NME9: variants seen among roughly 807,000 people sequenced by gnomAD.
The protein encoded by NME9 is NME/NM23 family member 9.
Under a neutral mutation model 44.4 loss-of-function variants are expected in NME9, and 48 were observed. The observed-to-expected ratio is 1.08, with a 90% CI of 0.86 to 1.37. NME9 has a LOEUF of 1.37. Among genes scored for constraint, NME9 ranks in the 40% most tolerant of loss-of-function variants. NME9 has a pLI of 0.00. For synonymous variants in NME9, 139 were observed against 147.1 expected (o/e 0.94, Z 0.40); for missense variants, 325 against 405.2 (o/e 0.80, Z 1.70).
Position 138,304,949 on chromosome 3 carries a change from C to T in NME9, c.715G>A (p.Glu239Lys), listed in dbSNP as rs754885230. 3.7e-6 allele frequency: 6 copies of T among 1,614,004 alleles called. No homozygotes were observed. The highest frequency in any genetic ancestry group is 2.2e-5 in the East Asian group (1 of 44,894). ...GTTCGCCAGGTAGTGACCACGTCCT[C>T]GAAGCCCTCAGTCCTGGTGAGGATC... Reference protein sequence around the residue: ...LLILTRTEGFEDVVTTWRTVM... With the variant: ...LLILTRTEGFKDVVTTWRTVM... Residue 239 changes from glutamate (E) to lysine (K), a missense_variant, in exon 9 of 11, where the codon GAG becomes AAG. Transcript: ENST00000333911.
At chr3:138,266,540 C>G (rs139508206) in intron 8 of NME9, among the ~76,000 whole-genome samples, 16 of 152,138 alleles carry the variant, frequency 1.1e-4, no homozygotes, top group Admixed American at 1.3e-4. Flanking sequence ...TTATTATTCA[C>G]TATATCACAT....
At chr3:138,301,828 C>G in intron 10 of NME9, 124 bp from the exon 11 acceptor site, 1 of 704,394 alleles carries the variant, frequency 1.4e-6, no homozygotes, top group Non-Finnish European at 2.4e-6. Context: ...GCAAAGAAGT[C>G]CTGATACGTG....
intron 2 of NME9, among the ~76,000 whole-genome samples, chr3:138,322,791 G>A (rs190757940): frequency 1.3e-5 from 2 of 152,214 alleles, no homozygotes; most frequent in Non-Finnish European, 2.9e-5. Context: ...GCTTGGCAGA[G>A]GGTCAGTGCT....
At chr3:138,292,194 C>A (rs1424451545) in intron 8 of NME9, among the ~76,000 whole-genome samples, 1 of 152,116 alleles carries the variant, frequency 6.6e-6, no homozygotes, top group Non-Finnish European at 1.5e-5. Context: ...CCTGCCACCA[C>A]GCCCAGCTAA....
chr3:138,295,018 C>G (rs1400165280), intron 8 of NME9, among the ~76,000 whole-genome samples: 3 of 151,878 alleles, frequency 2.0e-5, no homozygotes, highest in African/African-American at 7.3e-5. Context: ...CCTGGCTCAG[C>G]CTCCGAAGTG....
At position 138,314,350 on chromosome 3, in the gene NME9, C is replaced by T. The variant is rs1412629712; in HGVS notation, c.442G>A (p.Gly148Ser). The stretch of plus-strand genomic sequence containing the variant: ...CACTCACCCATGTCCTCATCTTCAC[C>T]ATTATTCTTTCCATGGGAAACACAT... ...DECVSHGKNNGEDEDMVSSER... is the reference protein window; with the variant it reads ...DECVSHGKNNSEDEDMVSSER... Residue 148 changes from glycine to serine, a missense_variant, in exon 6 of 11, where the codon GGT becomes AGT. Physicochemically the swap from Gly to Ser is moderately conservative, Grantham distance 56. Transcript: ENST00000333911. The T allele has an allele frequency of 6.2e-7, 1 of 1,606,900 alleles. No homozygotes were observed. The highest frequency in any genetic ancestry group is 8.5e-7 in the Non-Finnish European group (1 of 1,174,238).
chr3:138,326,810 G>A (rs1466711470), intron 1 of NME9, among the ~76,000 whole-genome samples: 1 of 151,786 alleles, frequency 6.6e-6, no homozygotes, highest in African/African-American at 2.4e-5. Flanking sequence ...TGGCAATAAG[G>A]GCAAGAAACA....
downstream of NME9, among the ~76,000 whole-genome samples, chr3:138,299,106 G>T (rs1027303140): frequency 2.6e-5 from 4 of 152,174 alleles, no homozygotes; most frequent in Non-Finnish European, 4.4e-5. Flanking sequence ...TTGCCACCTG[G>T]GGTAGGAACT....
chr3:138,272,839 A>G (rs1440974441), intron 8 of NME9: 2 of 835,276 alleles, frequency 2.4e-6, no homozygotes, highest in Non-Finnish European at 3.3e-6. Flanking sequence ...GCCACTGCAC[A>G]CCAGCCTGGG....
At chr3:138,292,966 C>T (rs758707174) in intron 8 of NME9, among the ~76,000 whole-genome samples, 2 of 152,096 alleles carry the variant, frequency 1.3e-5, no homozygotes, top group East Asian at 3.9e-4. Context: ...GGACGGTGGC[C>T]GTTTATCCTT....
chr3:138,264,309 T>C, intron 8 of NME9: 1 of 893,780 alleles, frequency 1.1e-6, no homozygotes, highest in Middle Eastern at 2.5e-4. Context: ...GTATGTCTGA[T>C]TTTTGTGTAG....
chr3:138,306,161 T>C, intron 7 of NME9, 65 bp from the exon 8 acceptor site: 1 of 1,217,602 alleles, frequency 8.2e-7, no homozygotes, highest in Non-Finnish European at 1.2e-6. Flanking sequence ...GATTAATTAA[T>C]TTAGTTGAAA....
intron 10 of NME9, 122 bp from the exon 11 acceptor site, chr3:138,301,826 G>A: frequency 1.4e-6 from 1 of 702,798 alleles, no homozygotes; most frequent in Non-Finnish European, 2.4e-6. Flanking sequence ...CAGCAAAGAA[G>A]TCCTGATACG....
chr3:138,266,712 A>T, intron 8 of NME9, among the ~76,000 whole-genome samples: 1 of 152,214 alleles, frequency 6.6e-6, no homozygotes, highest in East Asian at 1.9e-4. Context: ...ATGCAGTAGT[A>T]GCCTGCTTGA....
intron 1 of NME9, among the ~76,000 whole-genome samples, chr3:138,327,904 T>G (rs1341174716): frequency 6.6e-6 from 1 of 152,038 alleles, no homozygotes; most frequent in African/African-American, 2.4e-5. Flanking sequence ...CATCAACACA[T>G]GAAATGACCA....
intron 9 of NME9, among the ~76,000 whole-genome samples, chr3:138,303,849 G>A (rs2052023809): frequency 6.6e-6 from 1 of 152,016 alleles, no homozygotes. Flanking sequence ...CACATAGCTG[G>A]GTACTTTACC....
At chr3:138,298,987 C>T (rs768027837), downstream of NME9, among the ~76,000 whole-genome samples, 14 of 152,074 alleles carry the variant, frequency 9.2e-5, no homozygotes, top group South Asian at 2.1e-4. Context: ...CCAAGCAGGC[C>T]CCTGTTTCCC....
intron 8 of NME9, among the ~76,000 whole-genome samples, chr3:138,290,066 G>C (rs1306253179): frequency 6.6e-6 from 1 of 152,230 alleles, no homozygotes; most frequent in Non-Finnish European, 1.5e-5. Flanking sequence ...AGAATGATAT[G>C]AAATTGGAAG....
chr3:138,315,723 T>C (rs1162725835), intron 4 of NME9, 80 bp from the exon 5 acceptor site: 11 of 1,155,454 alleles, frequency 9.5e-6, no homozygotes, highest in Admixed American at 2.1e-5. Context: ...TGTCTAGGAG[T>C]GTCCCCAAGT....
Sources: gnomAD v4.1 joint callset for allele counts (sites outside exome capture counted in the v4.1 genomes callset) on GRCh38, gnomAD v4.1.1 for gene constraint, MANE v1.5 for transcripts, NCBI Gene and HGNC (gene_info 2026-07-23, HGNC 2026-07-21) for gene names.